MELTF: variants seen among roughly 807,000 people sequenced by gnomAD.
MELTF encodes antigen p97 (melanoma associated) identified by monoclonal antibodies 133.2 and 96.5.
A neutral mutation model predicts 83.7 loss-of-function variants in MELTF; 67 were observed. That is an observed-to-expected ratio of 0.80 (90% CI 0.66 to 0.98). The LOEUF (loss-of-function observed/expected upper bound fraction) is 0.98, where lower values mean the gene tolerates loss of function less well. MELTF is among the 50% of genes least tolerant of loss of function. MELTF has a pLI of 0.00. For missense variants in MELTF, 1,002 were observed against 1,035.6 expected, an observed-to-expected ratio of 0.97 and a Z score of 0.44; for synonymous variants, 462 against 447.6, an observed-to-expected ratio of 1.03 and a Z score of -0.41.
chr3:197,029,712 G>A lies in MELTF; in HGVS notation c.-10C>T. On this transcript the variant is annotated 5_prime_UTR_variant, in exon 1 of 16. Coordinates refer to ENST00000296350, the MANE Select transcript of MELTF (RefSeq NM_005929.6). This position sits in a 1 kb window ranked among gnomAD's most constrained non-coding sequence, Gnocchi z 6.5. ...CGCTCGGACCCCGCATGGCGCCGTC[G>A]GGGCTGGCTGGGGCCGGGCTGGGGC... 3 of 1,235,466 alleles carry A rather than the reference G, an allele frequency of 2.4e-6. No homozygotes were observed. The highest frequency in any genetic ancestry group is 3.0e-6 in the Non-Finnish European group (3 of 989,968). 76.5% of individuals were successfully genotyped at this position (1,235,466 alleles called of 1,614,324 possible). A position where few individuals can be genotyped will look rare whatever the true frequency, so the allele number is the denominator to read the frequency against.
chr3:197,003,658 C>T lies in MELTF; in HGVS notation c.2138-207G>A. On this transcript the variant is annotated intron_variant, in intron 15 of 15. Transcript: ENST00000296350. The surrounding 1 kb of genome is among the most constrained non-coding windows in gnomAD (Gnocchi z 6.2). Reference sequence around the variant, plus strand: ...TGTCTCTGCCGTGGCCCCAGATCCTCCCCGCGCCGCCGTTTTGAGCGTTCA... The same window carrying T: ...TGTCTCTGCCGTGGCCCCAGATCCTTCCCGCGCCGCCGTTTTGAGCGTTCA... 1.5e-6 allele frequency: 1 copy of T among 662,596 alleles called. No individual in the cohort carries two copies. The highest frequency in any genetic ancestry group is 2.5e-6 in the Non-Finnish European group (1 of 398,894). 41.0% of individuals were successfully genotyped at this position (662,596 alleles called of 1,614,324 possible). A position where few individuals can be genotyped will look rare whatever the true frequency, so the allele number is the denominator to read the frequency against.
In MELTF at chr3:197,015,214, C is replaced by T. The variant is rs1189438412; in HGVS notation, c.1233+151G>A. On this transcript the variant is annotated intron_variant, in intron 9 of 15. Coordinates refer to ENST00000296350, the MANE Select transcript of MELTF (RefSeq NM_005929.6). ...TGTCCCCTGGGGTGGGTGCTGGCCC[C>T]TGCGGTCGCTCCTCCCCACCCGTCT... The T allele has an allele frequency of 4.0e-6, 4 of 999,524 alleles. No homozygotes were observed. In the African/African-American group the frequency reaches 6.5e-5, roughly 16 times the overall value. 61.9% of individuals were successfully genotyped at this position (999,524 alleles called of 1,614,324 possible). A position where few individuals can be genotyped will look rare whatever the true frequency, so the allele number is the denominator to read the frequency against.
chr3:197,028,007 C>T, intron 1 of MELTF, 97 bp from the exon 2 acceptor site: 1 of 1,383,746 alleles, frequency 7.2e-7, no homozygotes, highest in Admixed American at 2.2e-5. Flanking sequence ...AGCCCATTCG[C>T]CTGGACAGCC....
At chr3:197,010,890 G>T in intron 9 of MELTF, 96 bp from the exon 10 acceptor site, 1 of 1,101,128 alleles carries the variant, frequency 9.1e-7, no homozygotes, top group Non-Finnish European at 1.4e-6. Context: ...GTCTCTTGGG[G>T]TTTGTGGCCT....
rs1260139487 is a variant in MELTF at position 197,006,895 on chromosome 3, T to TA, written c.1751-160dup. 2.0e-5 allele frequency among the ~76,000 whole-genome samples: 3 copies of TA among 152,334 alleles called. No individual in the cohort carries two copies. Among genetic ancestry groups the TA allele is most frequent in the African/African-American group, 7.2e-5 (3 of 41,572 alleles). On this transcript the variant is annotated intron_variant, in intron 13 of 15. Coordinates refer to ENST00000296350, the MANE Select transcript of MELTF (RefSeq NM_005929.6). The surrounding 1 kb of genome is among the most constrained non-coding windows in gnomAD (Gnocchi z 5.4). ...CCATTCTCCACGTGCTCTGCTGTGT[T>TA]ACCGGGGTGAAAGAACCCAGCTGTG...
At position 197,024,002 on chromosome 3, in the gene MELTF, CTGGGAGATTCACTGCTTCCCACTCA is replaced by C; in HGVS notation, c.487+276_487+300del. The C allele has an allele frequency of 1.6e-6, 1 of 612,742 alleles. No homozygotes were observed. Among genetic ancestry groups the C allele is most frequent in the Non-Finnish European group, 3.1e-6 (1 of 326,766 alleles). The allele number at this position is 612,742 out of a possible 1,614,324, so 38.0% of individuals were successfully genotyped here. ...CGGTCTATACTGGTGGGAAGCACTC[CTGGGAGATTCACTGCTTCCCACTCA>C]TGGGCTGGGCCTGTGCCTGGCTGTG... On this transcript the variant is annotated intron_variant, in intron 4 of 15. Coordinates refer to ENST00000296350, the MANE Select transcript of MELTF (RefSeq NM_005929.6). The surrounding 1 kb of genome is among the most constrained non-coding windows in gnomAD (Gnocchi z 5.3).
intron 6 of MELTF, among the ~76,000 whole-genome samples, chr3:197,020,487 A>ACG (rs1041136910): frequency 2.1e-5 from 3 of 140,528 alleles, no homozygotes; most frequent in Admixed American, 7.6e-5. Context: ...CAGAACACAC[A>ACG]CGCACACACA....
chr3:197,017,391 T>A, intron 6 of MELTF, 101 bp from the exon 7 acceptor site: 1 of 1,111,188 alleles, frequency 9.0e-7, no homozygotes, highest in Non-Finnish European at 1.3e-6. Context: ...CTGGGTGTCA[T>A]GGACATGAGA....
Position 197,015,416 on chromosome 3 carries a change from C to T in MELTF, c.1182G>A (p.Glu394=), listed in dbSNP as rs1449313654. 1 of 1,591,970 alleles carries T rather than the reference C, an allele frequency of 6.3e-7. No individual in the cohort carries two copies. Among genetic ancestry groups the T allele is most frequent in the Non-Finnish European group, 8.5e-7 (1 of 1,169,852 alleles). ...GGGACTTGGCTGACACGCACTGGATCTCTGGCTTGAGCCGCTGCCGGCGGA... is the reference window on the plus strand; with the variant it reads ...GGGACTTGGCTGACACGCACTGGATTTCTGGCTTGAGCCGCTGCCGGCGGA... The part of the protein sequence containing the change: ...VAFRRQRLKP[E]IQCVSAKSPQ... The change falls in exon 9 of 16, where the codon GAG becomes GAA. Residue 394 remains glutamate (E), a synonymous_variant. Coordinates refer to ENST00000296350, the MANE Select transcript of MELTF (RefSeq NM_005929.6).
intron 8 of MELTF, 123 bp downstream of exon 8, chr3:197,016,066 T>C: frequency 1.2e-6 from 1 of 814,760 alleles, no homozygotes; most frequent in South Asian, 2.3e-5. Context: ...GGAATGGAAA[T>C]GACAGGTTCC....
At chr3:197,023,938 A>T in intron 4 of MELTF, 1 of 495,734 alleles carries the variant, frequency 2.0e-6, no homozygotes, top group Non-Finnish European at 4.0e-6. Context: ...CTGGTCCTGT[A>T]AAGCCGAGGA....
Position 197,006,217 on chromosome 3 carries a change from G to A in MELTF, c.1938+332C>T, listed in dbSNP as rs373944505. Among the ~76,000 whole-genome samples, 7 of 150,614 alleles carry A rather than the reference G, an allele frequency of 4.6e-5. No homozygotes were observed. Among genetic ancestry groups the A allele is most frequent in the African/African-American group, 1.2e-4 (5 of 40,874 alleles). The stretch of plus-strand genomic sequence containing the variant: ...GCCTGGGGCGACAGAGTAAGACTCC[G>A]TCTCAAAAAAAAAAGAAAAAAAGGG... On this transcript the variant is annotated intron_variant, in intron 14 of 15. Transcript: ENST00000296350. This position sits in a 1 kb window ranked among gnomAD's most constrained non-coding sequence, Gnocchi z 5.4.
rs1251306639 is a variant in MELTF at position 197,018,868 on chromosome 3, A to G, written c.713-1578T>C. The G allele has an allele frequency of 2.5e-5, 23 of 920,938 alleles. No homozygotes were observed. The Admixed American group carries it at 1.2e-3, about 49-fold the overall frequency. The allele number at this position is 920,938 out of a possible 1,614,324, so 57.0% of individuals were successfully genotyped here. A position where few individuals can be genotyped will look rare whatever the true frequency, so the allele number is the denominator to read the frequency against. On this transcript the variant is annotated intron_variant, in intron 6 of 15. Transcript: ENST00000296350. ...TAAGTTCATTTGTTTCTCGATAGAA[A>G]AGAAAATTTGCAAGAGTAACTATTA...
At chr3:197,020,673 T>TG (rs1407578599) in intron 6 of MELTF, among the ~76,000 whole-genome samples, 9 of 152,012 alleles carry the variant, frequency 5.9e-5, no homozygotes, top group Non-Finnish European at 1.3e-4. Flanking sequence ...GGGTTTTTTT[T>TG]TTGTTGTTGT....
Position 197,009,694 on chromosome 3 carries a change from A to G in MELTF, c.1449T>C (p.Pro483=), listed in dbSNP as rs200030935. ...KRSCHAGFGS[P]AGWDVPVGAL... is the part of the protein sequence containing the mutation. ...CACCCACGGGGACATCCCAGCCTGC[A>G]GGGCTGCCGAAACCGGCGTGGCAGG... The change falls in exon 11 of 16, where the codon CCT becomes CCC. Residue 483 remains proline, a synonymous_variant. Transcript: ENST00000296350. 1.6e-4 allele frequency: 265 copies of G among 1,613,620 alleles called. No individual in the cohort carries two copies. The highest frequency in any genetic ancestry group is 2.1e-4 in the Non-Finnish European group (242 of 1,180,034).
chr3:197,021,716 A>G (rs901371399), intron 5 of MELTF, among the ~76,000 whole-genome samples: 2 of 152,174 alleles, frequency 1.3e-5, no homozygotes, highest in African/African-American at 4.8e-5. Flanking sequence ...TGCTCTGAGG[A>G]TGAGAGGCTC....
At chr3:197,023,876 G>A (rs750511428) in intron 4 of MELTF, 43 of 460,062 alleles carry the variant, frequency 9.3e-5, no homozygotes, top group Non-Finnish European at 1.7e-4. Flanking sequence ...CCACTTGGGA[G>A]CTTTCTGGGT....
chr3:197,009,730 C>G lies in MELTF; in HGVS notation c.1413G>C (p.Arg471=), dbSNP rs1467482069. 2 of 1,613,504 alleles carry G rather than the reference C, an allele frequency of 1.2e-6. No homozygotes were observed. The highest frequency in any genetic ancestry group is 2.7e-5 in the African/African-American group (2 of 74,934). The change falls in exon 11 of 16, where the codon CGG becomes CGC. Residue 471 remains arginine, a synonymous_variant. Transcript: ENST00000296350. ...AACCGGCGTGGCAGGAGCGCTTGCCCCGAAGCTCATCCAAGGTGAAGGCGT... is the reference window on the plus strand; with the variant it reads ...AACCGGCGTGGCAGGAGCGCTTGCCGCGAAGCTCATCCAAGGTGAAGGCGT... ...SSHAFTLDEL[R]GKRSCHAGFG... is the part of the protein sequence containing the mutation.
Position 197,022,850 on chromosome 3 carries a change from G to A in MELTF, c.644+107C>T, listed in dbSNP as rs768019552. The stretch of plus-strand genomic sequence containing the variant: ...TGCTTTGATGAGACGCAGCCAACAT[G>A]CCACTTCCCCCTCCACGGCCCTCTC... On this transcript the variant is annotated intron_variant, in intron 5 of 15. Transcript: ENST00000296350. This position sits in a 1 kb window ranked among gnomAD's most constrained non-coding sequence, Gnocchi z 5.1. The A allele has an allele frequency of 9.2e-7, 1 of 1,088,462 alleles. No individual in the cohort carries two copies. Among genetic ancestry groups the A allele is most frequent in the South Asian group, 1.5e-5 (1 of 66,236 alleles). The allele number at this position is 1,088,462 out of a possible 1,614,324, so 67.4% of individuals were successfully genotyped here.
Sources: gnomAD v4.1 joint callset for allele counts (sites outside exome capture counted in the v4.1 genomes callset) on GRCh38, gnomAD v4.1.1 for gene constraint, Gnocchi (gnomAD v3.1) non-coding constraint, MANE v1.5 for transcripts, NCBI Gene and HGNC (gene_info 2026-07-23, HGNC 2026-07-21) for gene names.